Variants in SPEM2 observed in about 807,000 individuals in gnomAD.
SPEM2 encodes uncharacterized protein SPEM2.
SPEM2 carries 15 observed loss-of-function variants against 9.3 expected under a neutral mutation model. That is an observed-to-expected ratio of 1.62 (90% CI 1.08 to 2.50). SPEM2 has a LOEUF of 2.50. Among genes scored for constraint, SPEM2 ranks in the 30% most tolerant of loss-of-function variants. The pLI is 0.00. For missense variants in SPEM2, 678 were observed against 690.0 expected (o/e 0.98, Z 0.19); for synonymous variants, 268 against 272.4 (o/e 0.98, Z 0.16).
Position 7,426,207 on chromosome 17 carries a change from A to T in SPEM2, c.216A>T (p.Glu72Asp), listed in dbSNP as rs1272075964. The T allele has an allele frequency of 6.2e-7, 1 of 1,613,342 alleles. No individual in the cohort carries two copies. The highest frequency in any genetic ancestry group is 8.5e-7 in the Non-Finnish European group (1 of 1,179,518). Reference sequence around the variant, plus strand: ...CCCCAGATGAAATTCAGGCCAGTGAAAGTCCCCCAAGTGGTCCCCCAGACA... The same window carrying T: ...CCCCAGATGAAATTCAGGCCAGTGATAGTCCCCCAAGTGGTCCCCCAGACA... ...ATQKNEIQAS[E>D]SPPSGPPDKA... Residue 72 changes from glutamate to aspartate, a missense_variant, in exon 3 of 3, where the codon GAA becomes GAT. Transcript: ENST00000333870. The surrounding 1 kb of genome is among the most constrained non-coding windows in gnomAD (Gnocchi z 5.3).
In SPEM2 at chr17:7,426,891, C is replaced by T. The variant is rs1325747290; in HGVS notation, c.900C>T (p.Tyr300=). The T allele has an allele frequency of 6.2e-7, 1 of 1,613,258 alleles. No individual in the cohort carries two copies. Among genetic ancestry groups the T allele is most frequent in the Non-Finnish European group, 8.5e-7 (1 of 1,180,002 alleles). The change falls in exon 3 of 3, where the codon TAC becomes TAT. Residue 300 remains tyrosine, a synonymous_variant. Coordinates refer to ENST00000333870, the MANE Select transcript of SPEM2 (RefSeq NM_175734.5). The surrounding 1 kb of genome is among the most constrained non-coding windows in gnomAD (Gnocchi z 5.3). ...PSWVPVGHSP[Y]PSVGWMLYDS... is the part of the protein sequence containing the mutation. Reference sequence around the variant, plus strand: ...GGGTCCCCGTGGGGCACAGCCCTTACCCCTCAGTGGGCTGGATGCTGTATG... The same window carrying T: ...GGGTCCCCGTGGGGCACAGCCCTTATCCCTCAGTGGGCTGGATGCTGTATG...
chr17:7,426,186 A>G lies in SPEM2; in HGVS notation c.197-2A>G. 1 of 1,612,916 alleles carries G rather than the reference A, an allele frequency of 6.2e-7. No individual in the cohort carries two copies. The highest frequency in any genetic ancestry group is 8.5e-7 in the Non-Finnish European group (1 of 1,179,144). Reference sequence around the variant, plus strand: ...GACTTCATGGACTCTTGCCTTCCCCAGATGAAATTCAGGCCAGTGAAAGTC... The same window carrying G: ...GACTTCATGGACTCTTGCCTTCCCCGGATGAAATTCAGGCCAGTGAAAGTC... On this transcript the variant is annotated splice_acceptor_variant, in intron 2 of 2. Coordinates refer to ENST00000333870, the MANE Select transcript of SPEM2 (RefSeq NM_175734.5). LOFTEE classifies it high-confidence loss of function. This position sits in a 1 kb window ranked among gnomAD's most constrained non-coding sequence, Gnocchi z 5.3.
At position 7,426,080 on chromosome 17, in the gene SPEM2, C is replaced by G. The variant is rs370485691; in HGVS notation, c.196+30C>G. ...GTGTGGCTGCTGGAGAGGTAGGGGACCCCCATCCCCACCCCTGACAATGGC... is the reference window on the plus strand; with the variant it reads ...GTGTGGCTGCTGGAGAGGTAGGGGAGCCCCATCCCCACCCCTGACAATGGC... On this transcript the variant is annotated intron_variant, in intron 2 of 2. Coordinates refer to ENST00000333870, the MANE Select transcript of SPEM2 (RefSeq NM_175734.5). The surrounding 1 kb of genome is among the most constrained non-coding windows in gnomAD (Gnocchi z 5.3). The G allele has an allele frequency of 6.9e-5, 111 of 1,613,682 alleles. No homozygotes were observed. The African/African-American group carries it at 1.1e-3, about 16-fold the overall frequency.
In SPEM2 at chr17:7,426,073, T is replaced by C; in HGVS notation, c.196+23T>C. On this transcript the variant is annotated intron_variant, in intron 2 of 2. Coordinates refer to ENST00000333870, the MANE Select transcript of SPEM2 (RefSeq NM_175734.5). This position sits in a 1 kb window ranked among gnomAD's most constrained non-coding sequence, Gnocchi z 5.3. ...AAAGTAAGTGTGGCTGCTGGAGAGGTAGGGGACCCCCATCCCCACCCCTGA... is the reference window on the plus strand; with the variant it reads ...AAAGTAAGTGTGGCTGCTGGAGAGGCAGGGGACCCCCATCCCCACCCCTGA... 1.2e-6 allele frequency: 2 copies of C among 1,613,914 alleles called. No individual in the cohort carries two copies. The highest frequency in any genetic ancestry group is 1.7e-6 in the Non-Finnish European group (2 of 1,179,916).
rs773910509 is a variant in SPEM2, at chr17:7,426,072, G to A, written c.196+22G>A. 1 of 1,614,116 alleles carries A rather than the reference G, an allele frequency of 6.2e-7. No individual in the cohort carries two copies. Among genetic ancestry groups the A allele is most frequent in the East Asian group, 2.2e-5 (1 of 44,880 alleles). On this transcript the variant is annotated intron_variant, in intron 2 of 2. Coordinates refer to ENST00000333870, the MANE Select transcript of SPEM2 (RefSeq NM_175734.5). The surrounding 1 kb of genome is among the most constrained non-coding windows in gnomAD (Gnocchi z 5.3). ...AAAAGTAAGTGTGGCTGCTGGAGAG[G>A]TAGGGGACCCCCATCCCCACCCCTG...
At position 7,425,955 on chromosome 17, in the gene SPEM2, G is replaced by A. The variant is rs369819820; in HGVS notation, c.139-38G>A. On this transcript the variant is annotated intron_variant, in intron 1 of 2. Transcript: ENST00000333870. Reference sequence around the variant, plus strand: ...GGGCAGGGGTGGTGGTGCTGGGCGCGGAGGGCCTGGCCTTCACTCTCTTCC... The same window carrying A: ...GGGCAGGGGTGGTGGTGCTGGGCGCAGAGGGCCTGGCCTTCACTCTCTTCC... 168 of 1,613,288 alleles carry A rather than the reference G, an allele frequency of 1.0e-4. 1 individual carries two copies. Among genetic ancestry groups the A allele is most frequent in the Middle Eastern group, 1.6e-4 (1 of 6,070 alleles).
At position 7,426,986 on chromosome 17, in the gene SPEM2, C is replaced by G. The variant is rs201475849; in HGVS notation, c.995C>G (p.Ala332Gly). 6.3e-5 allele frequency: 101 copies of G among 1,611,518 alleles called. No homozygotes were observed. Among genetic ancestry groups the G allele is most frequent in the Non-Finnish European group, 8.1e-5 (95 of 1,179,782 alleles). ...CCCCCTGCCTCGGTGTCCCGGAACG[C>G]CCGGCCTGAGGCCCAGGGCTGCCGG... Reference protein sequence around the residue: ...ERPPASVSRNARPEAQGCREH... With the variant: ...ERPPASVSRNGRPEAQGCREH... The change falls in exon 3 of 3, where the codon GCC becomes GGC. Residue 332 changes from alanine (A) to glycine (G), a missense_variant. By Grantham distance (60) the Ala-to-Gly change is moderately conservative. Coordinates refer to ENST00000333870, the MANE Select transcript of SPEM2 (RefSeq NM_175734.5). The surrounding 1 kb of genome is among the most constrained non-coding windows in gnomAD (Gnocchi z 5.3).
Position 7,427,320 on chromosome 17 carries a change from C to A in SPEM2, c.1329C>A (p.Thr443=). 1 of 1,614,072 alleles carries A rather than the reference C, an allele frequency of 6.2e-7. No individual in the cohort carries two copies. The highest frequency in any genetic ancestry group is 8.5e-7 in the Non-Finnish European group (1 of 1,179,968). The change falls in exon 3 of 3, where the codon ACC becomes ACA. Residue 443 remains threonine, a synonymous_variant. Transcript: ENST00000333870. This position sits in a 1 kb window ranked among gnomAD's most constrained non-coding sequence, Gnocchi z 5.4. ...CTGCGGACCCTGCCCCTCCCCCGAC[C>A]ATGTTTGTCCCACTCAGCCGGAATC... is the stretch of plus-strand genomic sequence containing the variant. The part of the protein sequence containing the change: ...VQAADPAPPP[T]MFVPLSRNPG...
Position 7,426,417 on chromosome 17 carries a change from G to C in SPEM2, c.426G>C (p.Gln142His), listed in dbSNP as rs754448060. ...GTCGCCGTCGCTGCTGCAACCACCA[G>C]CAGCGGCCGCAGAACTACAGACAAA... ...RRCRRRCCNH[Q>H]QRPQNYRQIP... is the part of the protein sequence containing the mutation. Residue 142 changes from glutamine (Q) to histidine (H), a missense_variant, in exon 3 of 3, where the codon CAG becomes CAC. Physicochemically the swap from Gln to His is conservative, Grantham distance 24 (BLOSUM62 0). Transcript: ENST00000333870. This position sits in a 1 kb window ranked among gnomAD's most constrained non-coding sequence, Gnocchi z 5.3. 1.9e-6 allele frequency: 3 copies of C among 1,613,506 alleles called. No individual in the cohort carries two copies. The highest frequency in any genetic ancestry group is 1.7e-5 in the Admixed American group (1 of 59,996).
At chr17:7,425,883 G>GCTGCAGCCTACATCTCCAC in intron 1 of SPEM2, 57 bp downstream of exon 1, 1 of 1,612,460 alleles carries the variant, frequency 6.2e-7, no homozygotes. Flanking sequence ...GTGGGAGCCA[G>GCTGCAGCCTACATCTCCAC]CTGCAGCCTA....
Position 7,426,162 on chromosome 17 carries a change from A to C in SPEM2, c.197-26A>C, listed in dbSNP as rs1009161442. 1.2e-6 allele frequency: 2 copies of C among 1,612,856 alleles called. No homozygotes were observed. Among genetic ancestry groups the C allele is most frequent in the Non-Finnish European group, 8.5e-7 (1 of 1,179,200 alleles). On this transcript the variant is annotated intron_variant, in intron 2 of 2. Transcript: ENST00000333870. This position sits in a 1 kb window ranked among gnomAD's most constrained non-coding sequence, Gnocchi z 5.3. ...TTGAGCTCTTCTGACAATTGCCCTG[A>C]CTTCATGGACTCTTGCCTTCCCCAG...
Position 7,427,127 on chromosome 17 carries a change from G to T in SPEM2, c.1136G>T (p.Arg379Leu). The T allele has an allele frequency of 6.2e-7, 1 of 1,611,794 alleles. No individual in the cohort carries two copies. Among genetic ancestry groups the T allele is most frequent in the South Asian group, 1.1e-5 (1 of 90,762 alleles). The part of the protein sequence containing the change: ...EPLGYSSQDP[R>L]EVRRRAADWA... ...TTGGGCTACAGCTCCCAGGACCCCC[G>T]TGAGGTGCGGCGTCGGGCAGCTGAC... Residue 379 changes from arginine (R) to leucine (L), a missense_variant, in exon 3 of 3, where the codon CGT (arginine) becomes CTT (leucine). Arg to Leu is a moderately radical substitution (Grantham distance 102). Transcript: ENST00000333870. The surrounding 1 kb of genome is among the most constrained non-coding windows in gnomAD (Gnocchi z 5.4).
In SPEM2 at chr17:7,426,097, G is replaced by A. The variant is rs1339870696; in HGVS notation, c.196+47G>A. ...GTAGGGGACCCCCATCCCCACCCCT[G>A]ACAATGGCCCTAGAAACCCAGGCCC... On this transcript the variant is annotated intron_variant, in intron 2 of 2. Transcript: ENST00000333870. This position sits in a 1 kb window ranked among gnomAD's most constrained non-coding sequence, Gnocchi z 5.3. The A allele has an allele frequency of 2.0e-5, 32 of 1,613,528 alleles. No individual in the cohort carries two copies. Among genetic ancestry groups the A allele is most frequent in the Non-Finnish European group, 2.7e-5 (32 of 1,179,602 alleles).
At position 7,426,126 on chromosome 17, in the gene SPEM2, T is replaced by G; in HGVS notation, c.197-62T>G. On this transcript the variant is annotated intron_variant, in intron 2 of 2. Coordinates refer to ENST00000333870, the MANE Select transcript of SPEM2 (RefSeq NM_175734.5). This position sits in a 1 kb window ranked among gnomAD's most constrained non-coding sequence, Gnocchi z 5.3. ...ATGGCCCTAGAAACCCAGGCCCCAG[T>G]GTTCCCAACCTTGAGCTCTTCTGAC... is the stretch of plus-strand genomic sequence containing the variant. The G allele has an allele frequency of 8.1e-6, 13 of 1,613,650 alleles. No homozygotes were observed. The highest frequency in any genetic ancestry group is 1.1e-5 in the Non-Finnish European group (13 of 1,179,640).
In SPEM2 at chr17:7,427,509, A is replaced by G; in HGVS notation, c.*12A>G. The G allele has an allele frequency of 6.4e-7, 1 of 1,555,954 alleles. No homozygotes were observed. On this transcript the variant is annotated 3_prime_UTR_variant, in exon 3 of 3. Coordinates refer to ENST00000333870, the MANE Select transcript of SPEM2 (RefSeq NM_175734.5). This position sits in a 1 kb window ranked among gnomAD's most constrained non-coding sequence, Gnocchi z 5.4. The stretch of plus-strand genomic sequence containing the variant: ...AGAAACTCAACTGACCAGCAGGCGG[A>G]TGTGGGGTGTGGGGCAGGGCATGGA...
Position 7,426,113 on chromosome 17 carries a change from A to T in SPEM2, c.196+63A>T. 1 of 1,613,314 alleles carries T rather than the reference A, an allele frequency of 6.2e-7. No individual in the cohort carries two copies. The highest frequency in any genetic ancestry group is 1.1e-5 in the South Asian group (1 of 91,066). On this transcript the variant is annotated intron_variant, in intron 2 of 2. Transcript: ENST00000333870. This position sits in a 1 kb window ranked among gnomAD's most constrained non-coding sequence, Gnocchi z 5.3. ...CCCACCCCTGACAATGGCCCTAGAA[A>T]CCCAGGCCCCAGTGTTCCCAACCTT...
In SPEM2 at chr17:7,425,789, T is replaced by TC. The variant is rs1381366152; in HGVS notation, c.102dup (p.Val35ArgfsTer26). The stretch of plus-strand genomic sequence containing the variant: ...ATCTTACTCCTGCTGCTGGGCCTCA[T>TC]CGTTCTTGTCAACATTGGCATCAAC... On this transcript the variant is annotated frameshift_variant, in exon 1 of 3. Transcript: ENST00000333870. LOFTEE classifies it high-confidence loss of function. 1 of 1,614,194 alleles carries TC rather than the reference T, an allele frequency of 6.2e-7. No individual in the cohort carries two copies. Among genetic ancestry groups the TC allele is most frequent in the Non-Finnish European group, 8.5e-7 (1 of 1,180,018 alleles).
intron 1 of SPEM2, 49 bp from the exon 2 acceptor site, chr17:7,425,944 G>A: frequency 6.2e-7 from 1 of 1,612,880 alleles, no homozygotes; most frequent in Non-Finnish European, 8.5e-7. Context: ...AGGGGTGGTG[G>A]TGCTGGGCGC....
At position 7,426,681 on chromosome 17, in the gene SPEM2, A is replaced by G; in HGVS notation, c.690A>G (p.Pro230=). The change falls in exon 3 of 3, where the codon CCA becomes CCG. Residue 230 remains proline (P), a synonymous_variant. Coordinates refer to ENST00000333870, the MANE Select transcript of SPEM2 (RefSeq NM_175734.5). This position sits in a 1 kb window ranked among gnomAD's most constrained non-coding sequence, Gnocchi z 5.3. ...AGGGTGGTATCCTGGCCAGTCTGCC[A>G]CCACCCTCTCTCTACCTGTCACCTG... ...GHQGGILASL[P]PPSLYLSPEL... is the part of the protein sequence containing the mutation. 1 of 1,613,946 alleles carries G rather than the reference A, an allele frequency of 6.2e-7. No homozygotes were observed. The highest frequency in any genetic ancestry group is 8.5e-7 in the Non-Finnish European group (1 of 1,179,996).
Sources: gnomAD v4.1 joint callset for allele counts on GRCh38, gnomAD v4.1.1 for gene constraint, Gnocchi (gnomAD v3.1) non-coding constraint, MANE v1.5 for transcripts, NCBI Gene and HGNC (gene_info 2026-07-23, HGNC 2026-07-21) for gene names.